DNMT3B: variants seen among roughly 807,000 people sequenced by gnomAD.
The protein encoded by DNMT3B is DNA (cytosine-5)-methyltransferase 3B.
DNMT3B carries 37 observed loss-of-function variants against 120.2 expected under a neutral mutation model. The observed-to-expected ratio is 0.31, with a 90% CI of 0.24 to 0.40. The LOEUF is 0.40. DNMT3B is among the 10% of genes least tolerant of loss of function. The pLI is 1.00. For synonymous variants in DNMT3B, 412 were observed against 442.8 expected, an observed-to-expected ratio of 0.93 and a Z score of 0.87; for missense variants, 878 against 1,137.3, an observed-to-expected ratio of 0.77 and a Z score of 3.28.
rs1433173397 is a variant in DNMT3B, at chr20:32,762,566, GT to G, written c.-139del. 2.8e-6 allele frequency: 1 copy of G among 354,936 alleles called. No individual in the cohort carries two copies. Among genetic ancestry groups the G allele is most frequent in the African/African-American group, 2.2e-5 (1 of 45,798 alleles). The allele number at this position is 354,936 out of a possible 1,614,324, so 22.0% of individuals were successfully genotyped here. A position where few individuals can be genotyped will look rare whatever the true frequency, so the allele number is the denominator to read the frequency against. On this transcript the variant is annotated 5_prime_UTR_variant, in exon 1 of 23. Coordinates refer to ENST00000328111, the MANE Select transcript of DNMT3B (RefSeq NM_006892.4). ...GCAGCGCTGGGGTTAAGTGGCCCAA[GT>G]AAACCTAGCTCGGCGATCGGCGCCG...
At chr20:32,807,634 G>T in intron 22 of DNMT3B, 128 bp from the exon 23 acceptor site, 1 of 1,392,864 alleles carries the variant, frequency 7.2e-7, no homozygotes, top group South Asian at 1.2e-5. Context: ...CTGAATTTAG[G>T]TCCTTGGGGA....
intron 1 of DNMT3B, among the ~76,000 whole-genome samples, chr20:32,775,822 G>A (rs187167825): frequency 5.9e-5 from 9 of 152,366 alleles, no homozygotes; most frequent in East Asian, 3.9e-4. Context: ...TTCCAGGCAC[G>A]TGCCCTGGAT....
intron 10 of DNMT3B, 133 bp downstream of exon 10, chr20:32,793,728 C>A: frequency 1.0e-6 from 1 of 975,892 alleles, no homozygotes; most frequent in East Asian, 2.6e-5. Flanking sequence ...CCCACTCTCC[C>A]CTCACATCCC....
chr20:32,793,660 T>A (rs1980259611), intron 10 of DNMT3B, 65 bp downstream of exon 10: 7 of 1,569,136 alleles, frequency 4.5e-6, no homozygotes, highest in Non-Finnish European at 6.1e-6. Flanking sequence ...TTTCTTTGCA[T>A]ATAAAATGGT....
At chr20:32,764,394 GGTGA>G (rs1987172626) in intron 1 of DNMT3B, among the ~76,000 whole-genome samples, 1 of 152,136 alleles carries the variant, frequency 6.6e-6, no homozygotes, top group African/African-American at 2.4e-5. Flanking sequence ...GTCAGCACAT[GGTGA>G]GTGTTGATGT....
In DNMT3B at chr20:32,786,632, G is replaced by A; in HGVS notation, c.432+5G>A. On this transcript the variant is annotated splice_donor_5th_base_variant and intron_variant, in intron 5 of 22. Coordinates refer to ENST00000328111, the MANE Select transcript of DNMT3B (RefSeq NM_006892.4). The stretch of plus-strand genomic sequence containing the variant: ...GTGGAGTTCCCGGCTACCAGGGTTG[G>A]TTCCCCAGATGCCCAGACCCCTGCC... The A allele has an allele frequency of 6.2e-7, 1 of 1,613,650 alleles. No homozygotes were observed. The highest frequency in any genetic ancestry group is 2.2e-5 in the East Asian group (1 of 44,898).
At chr20:32,779,857 G>A in intron 1 of DNMT3B, 1 of 594,912 alleles carries the variant, frequency 1.7e-6, no homozygotes, top group Non-Finnish European at 3.0e-6. Context: ...GAGGGGAAGG[G>A]AGAGAGCAAA....
chr20:32,799,456 A>G, intron 16 of DNMT3B, 128 bp downstream of exon 16: 1 of 1,023,554 alleles, frequency 9.8e-7, no homozygotes, highest in Non-Finnish European at 1.5e-6. Flanking sequence ...CAGCCCTGAA[A>G]AAAACCCTGT....
intron 8 of DNMT3B, 37 bp from the exon 9 acceptor site, chr20:32,792,589 C>T: frequency 6.2e-7 from 1 of 1,613,990 alleles, no homozygotes; most frequent in Non-Finnish European, 8.5e-7. Context: ...GCACCTCCTC[C>T]CCACCCCCCC....
intron 4 of DNMT3B, among the ~76,000 whole-genome samples, chr20:32,785,892 CT>C (rs563541364): frequency 1.6e-5 from 2 of 128,688 alleles, no homozygotes; most frequent in African/African-American, 3.3e-5. Context: ...CTTTTTTTTT[CT>C]TTTTTTTTGA....
chr20:32,791,788 T>C, intron 8 of DNMT3B, 80 bp downstream of exon 8: 1 of 1,521,578 alleles, frequency 6.6e-7, no homozygotes, highest in Non-Finnish European at 9.0e-7. Context: ...TAGCTCAGTG[T>C]TGCCAAGGGT....
intron 13 of DNMT3B, 147 bp from the exon 14 acceptor site, chr20:32,797,040 G>A (rs567390095): frequency 1.7e-5 from 28 of 1,607,202 alleles, no homozygotes; most frequent in South Asian, 8.8e-5. Context: ...CCAATGGCAC[G>A]CAGGTCACAG....
chr20:32,799,908 G>A (rs1211030209), intron 16 of DNMT3B, among the ~76,000 whole-genome samples: 1 of 144,430 alleles, frequency 6.9e-6, no homozygotes, highest in Non-Finnish European at 1.5e-5. Flanking sequence ...CATTCCACAT[G>A]CATAAGTATA....
Position 32,786,557 on chromosome 20 carries a change from C to T in DNMT3B, c.362C>T (p.Pro121Leu). The T allele has an allele frequency of 6.2e-7, 1 of 1,614,006 alleles. No homozygotes were observed. The highest frequency in any genetic ancestry group is 8.5e-7 in the Non-Finnish European group (1 of 1,180,036). ...AGCCGGGAGAGGCACAGGCCTTCCC[C>T]ACGTTCCACCCGAGGCCGGCAGGGC... ...VSSRERHRPS[P>L]RSTRGRQGRN... Residue 121 changes from proline to leucine, a missense_variant, in exon 5 of 23, where the codon CCA becomes CTA. Pro to Leu is a moderately conservative substitution (Grantham distance 98, BLOSUM62 -3). This residue lies in a region of DNMT3B where 287 missense variants were observed against 306.2 expected (regional missense o/e 0.94). Transcript: ENST00000328111.
At chr20:32,780,193 G>C (rs1978423034) in intron 1 of DNMT3B, 125 bp from the exon 2 acceptor site, 2 of 1,613,008 alleles carry the variant, frequency 1.2e-6, no homozygotes, top group Non-Finnish European at 8.5e-7. Flanking sequence ...ACTTGGGCAA[G>C]AGCATCACCC....
intron 21 of DNMT3B, among the ~76,000 whole-genome samples, 186 bp from the exon 22 acceptor site, chr20:32,806,023 C>T (rs1981937403): frequency 6.6e-6 from 1 of 152,124 alleles, no homozygotes; most frequent in South Asian, 2.1e-4. Context: ...TCGCTCCCTG[C>T]CCTGCCATTC....
At chr20:32,786,180 G>A (rs1979265000) in intron 4 of DNMT3B, among the ~76,000 whole-genome samples, 1 of 152,224 alleles carries the variant, frequency 6.6e-6, no homozygotes, top group Non-Finnish European at 1.5e-5. Flanking sequence ...GAGCCACTGC[G>A]CTTGGCCAGA....
At chr20:32,791,375 G>A (rs894882684) in intron 7 of DNMT3B, among the ~76,000 whole-genome samples, 15 of 152,118 alleles carry the variant, frequency 9.9e-5, no homozygotes, top group South Asian at 2.1e-4. Flanking sequence ...TGGAAGTGTC[G>A]TACCTAACAA....
intron 8 of DNMT3B, among the ~76,000 whole-genome samples, chr20:32,792,288 G>T (rs764383492): frequency 1.4e-4 from 21 of 152,152 alleles, no homozygotes; most frequent in Non-Finnish European, 1.8e-4. Flanking sequence ...ATACAGAGGA[G>T]ATGAGATAGT....
Sources: allele counts gnomAD v4.1 joint callset (sites outside exome capture counted in the v4.1 genomes callset), GRCh38; gene constraint gnomAD v4.1.1; regional missense constraint gnomAD v4.1.1; transcripts MANE v1.5; gene names NCBI Gene and HGNC (gene_info 2026-07-23, HGNC 2026-07-21).